The following AKT2 variants were observed in gnomAD, a reference collection of about 807,000 sequenced individuals.
AKT2 encodes RAC-beta serine/threonine-protein kinase.
AKT2 carries 16 observed loss-of-function variants against 58.6 expected under a neutral mutation model. That is an observed-to-expected ratio of 0.27 (90% CI 0.18 to 0.41). AKT2 has a LOEUF of 0.41. Ranked by LOEUF, AKT2 falls within the 10% of genes least tolerant of loss-of-function variation. The pLI is 1.00. For missense variants in AKT2, 438 were observed against 661.0 expected (o/e 0.66, Z 3.70); for synonymous variants, 253 against 254.0 (o/e 1.00, Z 0.04).
chr19:40,257,760 C>T (rs773651184), intron 2 of AKT2, among the ~76,000 whole-genome samples: 32 of 152,096 alleles, frequency 2.1e-4, no homozygotes, highest in Non-Finnish European at 3.5e-4. Context: ...CCATCAACAA[C>T]GAATGGATAA....
rs1974457160 is a variant in AKT2, at chr19:40,242,273, T to C, written c.442-204A>G. On this transcript the variant is annotated intron_variant, in intron 5 of 13. Coordinates refer to ENST00000392038, the MANE Select transcript of AKT2 (RefSeq NM_001626.6). The surrounding 1 kb of genome is among the most constrained non-coding windows in gnomAD (Gnocchi z 4.3). ...TGCAGGCACAGGGCCTTGGGAGGGC[T>C]GGGCTCTGACGTGGGGGTAGCCAGG... is the stretch of plus-strand genomic sequence containing the variant. 1.1e-6 allele frequency: 1 copy of C among 890,700 alleles called. No individual in the cohort carries two copies. Among genetic ancestry groups the C allele is most frequent in the Admixed American group, 2.2e-5 (1 of 45,942 alleles). 55.2% of individuals were successfully genotyped at this position (890,700 alleles called of 1,614,324 possible).
At chr19:40,278,034 G>A (rs534464899) in intron 1 of AKT2, among the ~76,000 whole-genome samples, 1 of 152,278 alleles carries the variant, frequency 6.6e-6, no homozygotes, top group South Asian at 2.1e-4. Flanking sequence ...TGGGGGTGGA[G>A]AGAAGCAGCC....
At chr19:40,236,525 ACCCTC>A in intron 9 of AKT2, 140 bp from the exon 10 acceptor site, 16 of 1,147,000 alleles carry the variant, frequency 1.4e-5, no homozygotes, top group Non-Finnish European at 1.9e-5. Context: ...ACACAGCCTC[ACCCTC>A]TGAGGCTCAG....
rs368881292 is a variant in AKT2 at position 40,242,494 on chromosome 19, A to C, written c.441+40T>G. ...GCAGGCCAGCACTGGGGGTGGGGGC[A>C]CCGCAGGCTGGCAGCCCCACCCCTG... On this transcript the variant is annotated intron_variant, in intron 5 of 13. Transcript: ENST00000392038. This position sits in a 1 kb window ranked among gnomAD's most constrained non-coding sequence, Gnocchi z 4.3. 89 of 1,611,554 alleles carry C rather than the reference A, an allele frequency of 5.5e-5. 1 individual carries two copies. The South Asian group carries it at 9.1e-4, about 17-fold the overall frequency.
chr19:40,239,494 C>G, intron 7 of AKT2: 1 of 306,160 alleles, frequency 3.3e-6, no homozygotes, highest in South Asian at 2.9e-5. Flanking sequence ...TGAGGTACCT[C>G]ATAAGATTTT....
chr19:40,235,002 C>A lies in AKT2; in HGVS notation c.1366+43G>T. 1.3e-6 allele frequency: 2 copies of A among 1,541,462 alleles called. No homozygotes were observed. Among genetic ancestry groups the A allele is most frequent in the South Asian group, 1.1e-5 (1 of 89,598 alleles). ...GTTAAGAGCAGATCCCATCCCTCCA[C>A]CCCTGGGGCAGGCACACCAGCGCGG... On this transcript the variant is annotated intron_variant, in intron 13 of 13. Coordinates refer to ENST00000392038, the MANE Select transcript of AKT2 (RefSeq NM_001626.6). The surrounding 1 kb of genome is among the most constrained non-coding windows in gnomAD (Gnocchi z 6.3).
chr19:40,275,049 G>A, intron 1 of AKT2: 1 of 456,668 alleles, frequency 2.2e-6, no homozygotes, highest in Non-Finnish European at 4.4e-6. Flanking sequence ...GAACCATGAG[G>A]ACCTGCATGC....
At position 40,238,894 on chromosome 19, in the gene AKT2, C is replaced by T. The variant is rs2145184226; in HGVS notation, c.708+11G>A. 6.2e-7 allele frequency: 1 copy of T among 1,614,012 alleles called. No homozygotes were observed. On this transcript the variant is annotated intron_variant, in intron 8 of 13. Coordinates refer to ENST00000392038, the MANE Select transcript of AKT2 (RefSeq NM_001626.6). This position sits in a 1 kb window ranked among gnomAD's most constrained non-coding sequence, Gnocchi z 5.1. ...GCCCCAGAGGGCAAAGTCAAGGCAG[C>T]CGCGGCTCACCTCACCCCCGTTGGC...
chr19:40,239,748 GCTAAGTGCTC>G (rs1376484064), intron 7 of AKT2: 1 of 605,846 alleles, frequency 1.7e-6, no homozygotes, highest in African/African-American at 1.8e-5. Flanking sequence ...AACCAGCTGG[GCTAAGTGCTC>G]CTAACTCATA....
chr19:40,282,927 C>A, intron 1 of AKT2: 1 of 170,556 alleles, frequency 5.9e-6, no homozygotes, highest in Non-Finnish European at 1.3e-5. Flanking sequence ...ACCTCTCCCA[C>A]TTCAGCTATG....
chr19:40,281,598 G>A (rs1347140469), intron 1 of AKT2, among the ~76,000 whole-genome samples: 1 of 152,196 alleles, frequency 6.6e-6, no homozygotes, highest in African/African-American at 2.4e-5. Context: ...AGAGGAGTGG[G>A]CCCGGGAGCT....
At chr19:40,244,237 G>A (rs1974600326) in intron 4 of AKT2, 1 of 151,918 alleles carries the variant, frequency 6.6e-6, no homozygotes. Flanking sequence ...GCATCCGGAA[G>A]TTTGAGACCA....
chr19:40,265,303 C>T lies in AKT2; in HGVS notation c.-36G>A, dbSNP rs762706082. On this transcript the variant is annotated 5_prime_UTR_variant, in exon 2 of 14. Transcript: ENST00000392038. ...TGGTACGCTGTCACCTAGCTCGGGA[C>T]AGCTCAGGGCAGCAGGACATGCAGG... is the stretch of plus-strand genomic sequence containing the variant. 1.2e-6 allele frequency: 2 copies of T among 1,606,710 alleles called. No individual in the cohort carries two copies. The highest frequency in any genetic ancestry group is 8.5e-7 in the Non-Finnish European group (1 of 1,176,806).
intron 4 of AKT2, among the ~76,000 whole-genome samples, chr19:40,246,062 A>C (rs1974733290): frequency 6.6e-6 from 1 of 150,984 alleles, no homozygotes; most frequent in African/African-American, 2.4e-5. Flanking sequence ...CTAATTCCCA[A>C]ACCCTACACT....
rs1251882682 is a variant in AKT2 at position 40,241,934 on chromosome 19, G to T, written c.573+4C>A. On this transcript the variant is annotated splice_donor_region_variant and intron_variant, in intron 6 of 13. Coordinates refer to ENST00000392038, the MANE Select transcript of AKT2 (RefSeq NM_001626.6). ...CTCGCGAGCGCAATTCCCGGGGCAC[G>T]CACCTTGGCAATGATGACTTCCTTC... 1 of 1,613,642 alleles carries T rather than the reference G, an allele frequency of 6.2e-7. No individual in the cohort carries two copies. The highest frequency in any genetic ancestry group is 1.3e-5 in the African/African-American group (1 of 74,948).
At chr19:40,240,286 G>A (rs774648052) in intron 6 of AKT2, 176 bp from the exon 7 acceptor site, 8 of 798,886 alleles carry the variant, frequency 1.0e-5, no homozygotes, top group East Asian at 9.8e-5. Context: ...AGACCCAGAC[G>A]AGGATCATCA....
chr19:40,261,854 G>T (rs942821603), intron 2 of AKT2, among the ~76,000 whole-genome samples: 7 of 151,152 alleles, frequency 4.6e-5, no homozygotes, highest in Non-Finnish European at 8.8e-5. Flanking sequence ...AAAGGCCAAT[G>T]AATCATACAC....
At chr19:40,264,969 G>A (rs1976238816) in intron 2 of AKT2, among the ~76,000 whole-genome samples, 1 of 152,134 alleles carries the variant, frequency 6.6e-6, no homozygotes, top group African/African-American at 2.4e-5. Flanking sequence ...TCCCCTCTCT[G>A]GGCCTCAGTT....
At position 40,257,056 on chromosome 19, in the gene AKT2, T is replaced by C; in HGVS notation, c.47-2A>G. On this transcript the variant is annotated splice_acceptor_variant, in intron 2 of 13. Coordinates refer to ENST00000392038, the MANE Select transcript of AKT2 (RefSeq NM_001626.6). LOFTEE classifies it high-confidence loss of function. The stretch of plus-strand genomic sequence containing the variant: ...GCCTCCAGGTCTTGATGTATTCACC[T>C]GAAATGAGGCAGGAAGGGAGGGAGA... 4 of 1,614,006 alleles carry C rather than the reference T, an allele frequency of 2.5e-6. No homozygotes were observed. The highest frequency in any genetic ancestry group is 3.4e-6 in the Non-Finnish European group (4 of 1,179,934).
Sources: allele counts gnomAD v4.1 joint callset (sites outside exome capture counted in the v4.1 genomes callset), GRCh38; gene constraint gnomAD v4.1.1; non-coding constraint Gnocchi (gnomAD v3.1); transcripts MANE v1.5; gene names NCBI Gene and HGNC (gene_info 2026-07-23, HGNC 2026-07-21).